SLC35F3: variants seen among roughly 807,000 people sequenced by gnomAD.
SLC35F3 encodes the protein putative thiamine transporter SLC35F3.
In SLC35F3, 25 loss-of-function variants were observed where a neutral mutation model predicts 49.9. The observed-to-expected ratio is 0.50, with a 90% confidence interval of 0.37 to 0.70. The LOEUF is 0.70. SLC35F3 is among the 30% of genes least tolerant of loss of function. The pLI, the probability that SLC35F3 is intolerant of heterozygous loss-of-function variation, is 0.00. For synonymous variants in SLC35F3, 275 were observed against 265.4 expected (o/e 1.04, Z -0.35); for missense variants, 525 against 639.8 (o/e 0.82, Z 1.94).
chr1:234,259,339 C>T (rs951387868), intron 3 of SLC35F3, among the ~76,000 whole-genome samples: 4 of 152,206 alleles, frequency 2.6e-5, no homozygotes, highest in Non-Finnish European at 5.9e-5. Context: ...CAGCTTCCCA[C>T]CTCCCATTAG....
rs1435913000 is a variant in SLC35F3 at position 233,922,608 on chromosome 1, T to A, written c.283+16850T>A. On this transcript the variant is annotated intron_variant, in intron 2 of 7. Transcript: ENST00000366618. ...CCCATTCTGTAGGTTGCCTGTTCAC[T>A]CTGATGGTAGTTTCTTTTGCTGTGC... is the stretch of plus-strand genomic sequence containing the variant. 2.6e-5 allele frequency among the ~76,000 whole-genome samples: 4 copies of A among 151,912 alleles called. No individual in the cohort carries two copies. The East Asian group carries it at 7.8e-4, about 30-fold the overall frequency.
At chr1:233,963,553 G>A (rs1029934614) in intron 2 of SLC35F3, among the ~76,000 whole-genome samples, 1 of 151,852 alleles carries the variant, frequency 6.6e-6, no homozygotes, top group East Asian at 1.9e-4. Flanking sequence ...TGCCCACCTC[G>A]GCCTCCCAAA....
At chr1:234,014,164 C>T (rs79879803) in intron 2 of SLC35F3, among the ~76,000 whole-genome samples, 3,825 of 152,158 alleles carry the variant, frequency 0.025, 147 homozygotes, top group African/African-American at 0.081. Context: ...TTTATTCCTG[C>T]GATGCAAGGA....
intron 2 of SLC35F3, among the ~76,000 whole-genome samples, chr1:234,203,883 A>AAG (rs1243439250): frequency 6.6e-6 from 1 of 152,154 alleles, no homozygotes; most frequent in African/African-American, 2.4e-5. Flanking sequence ...TTTTTTTCTG[A>AAG]ATATATATGA....
Position 234,214,366 on chromosome 1 carries a change from TGA to T in SLC35F3, c.284-17047_284-17046del, listed in dbSNP as rs1408768243. On this transcript the variant is annotated intron_variant, in intron 2 of 7. Coordinates refer to ENST00000366618, the MANE Select transcript of SLC35F3 (RefSeq NM_173508.4). The surrounding 1 kb of genome is among the most constrained non-coding windows in gnomAD (Gnocchi z 8.0). ...GGCGGGCAGCCGGGGAGGCCGGGACTGAGAGGGGCGAGCCGCTGGTGCTCCCC... is the reference window on the plus strand; with the variant it reads ...GGCGGGCAGCCGGGGAGGCCGGGACTGAGGGGCGAGCCGCTGGTGCTCCCC... The T allele has an allele frequency of 7.4e-7, 1 of 1,347,296 alleles. No homozygotes were observed. Among genetic ancestry groups the T allele is most frequent in the Non-Finnish European group, 9.5e-7 (1 of 1,050,402 alleles). 83.5% of individuals were successfully genotyped at this position (1,347,296 alleles called of 1,614,324 possible). A position where few individuals can be genotyped will look rare whatever the true frequency, so the allele number is the denominator to read the frequency against.
intron 2 of SLC35F3, chr1:234,026,795 T>C (rs1483792812): frequency 6.6e-6 from 1 of 152,166 alleles, no homozygotes; most frequent in East Asian, 1.9e-4. Context: ...AATGGTTTTA[T>C]GGGAAAATTA....
intron 2 of SLC35F3, among the ~76,000 whole-genome samples, chr1:234,021,390 C>T (rs1225317548): frequency 2.0e-5 from 3 of 152,184 alleles, no homozygotes; most frequent in African/African-American, 7.2e-5. Flanking sequence ...CAATCAATGT[C>T]ATATCATCAT....
chr1:233,921,399 C>T (rs7512376), intron 2 of SLC35F3, among the ~76,000 whole-genome samples: 48,824 of 151,990 alleles, frequency 0.32, 8,465 homozygotes, highest in Admixed American at 0.5. Flanking sequence ...ATCATTATCA[C>T]CCAGAGTCCA....
intron 2 of SLC35F3, among the ~76,000 whole-genome samples, chr1:234,036,286 G>A (rs1336888478): frequency 3.3e-5 from 5 of 152,060 alleles, no homozygotes; most frequent in African/African-American, 7.2e-5. Flanking sequence ...GACTTGCCTC[G>A]AATTCTTGGG....
chr1:233,943,879 C>T (rs1008622046), intron 2 of SLC35F3, among the ~76,000 whole-genome samples: 48 of 152,114 alleles, frequency 3.2e-4, no homozygotes, highest in Non-Finnish European at 4.3e-4. Context: ...TATTTTTATT[C>T]CTTCATTCTT....
chr1:234,150,422 T>C (rs1290462172), intron 2 of SLC35F3, among the ~76,000 whole-genome samples: 6 of 152,218 alleles, frequency 3.9e-5, no homozygotes, highest in South Asian at 2.1e-4. Context: ...CATCATCTTA[T>C]ACATTTTTGT....
chr1:234,211,511 C>T lies in SLC35F3; in HGVS notation c.284-19906C>T, dbSNP rs138299237. Among the ~76,000 whole-genome samples, 468 of 152,346 alleles carry T rather than the reference C, an allele frequency of 3.1e-3. 3 individuals are homozygous for T. Among genetic ancestry groups the T allele is most frequent in the Non-Finnish European group, 5.0e-3 (342 of 68,040 alleles). On this transcript the variant is annotated intron_variant, in intron 2 of 7. Coordinates refer to ENST00000366618, the MANE Select transcript of SLC35F3 (RefSeq NM_173508.4). ...CAAGAACATGGGAACCCCCCCCTTACATTGGTGTGACCCAGATGTGAGACA... is the reference window on the plus strand; with the variant it reads ...CAAGAACATGGGAACCCCCCCCTTATATTGGTGTGACCCAGATGTGAGACA...
chr1:234,126,795 A>G (rs1665655132), intron 2 of SLC35F3, among the ~76,000 whole-genome samples: 1 of 152,162 alleles, frequency 6.6e-6, no homozygotes, highest in Non-Finnish European at 1.5e-5. Context: ...TCCTGGGCTC[A>G]AGCTATCTTC....
At chr1:234,265,311 T>C (rs1172531088) in intron 3 of SLC35F3, among the ~76,000 whole-genome samples, 2 of 151,340 alleles carry the variant, frequency 1.3e-5, no homozygotes, top group African/African-American at 4.9e-5. Flanking sequence ...AATCTCAGCA[T>C]TATTTCTTCT....
chr1:234,125,924 G>A (rs1167910896), intron 2 of SLC35F3, among the ~76,000 whole-genome samples: 3 of 152,168 alleles, frequency 2.0e-5, no homozygotes, highest in Non-Finnish European at 4.4e-5. Context: ...GTGTGATGAA[G>A]AACAGTCTCT....
Position 234,117,546 on chromosome 1 carries a change from C to T in SLC35F3, c.284-113871C>T, listed in dbSNP as rs139221310. On this transcript the variant is annotated intron_variant, in intron 2 of 7. Transcript: ENST00000366618. ...GATGGAGGTTGCAGTGAGCCGAGAT[C>T]GCACCATTGCACTCCAGCCTGGGTG... Among the ~76,000 whole-genome samples, 644 of 148,276 alleles carry T rather than the reference C, an allele frequency of 4.3e-3. 5 individuals are homozygous for T. Among genetic ancestry groups the T allele is most frequent in the Middle Eastern group, 7.6e-3 (2 of 262 alleles).
At chr1:233,966,225 A>G (rs1460267179) in intron 2 of SLC35F3, among the ~76,000 whole-genome samples, 3 of 152,236 alleles carry the variant, frequency 2.0e-5, no homozygotes, top group Non-Finnish European at 4.4e-5. Flanking sequence ...AGTGGTAAAG[A>G]AAAAAGAGAT....
At chr1:234,080,039 AG>A (rs1448641109) in intron 2 of SLC35F3, among the ~76,000 whole-genome samples, 3 of 152,172 alleles carry the variant, frequency 2.0e-5, no homozygotes, top group Non-Finnish European at 4.4e-5. Context: ...TTGGAGGGTG[AG>A]GGCTGGTTGC....
chr1:233,964,701 C>G (rs1217304530), intron 2 of SLC35F3, among the ~76,000 whole-genome samples: 1 of 152,192 alleles, frequency 6.6e-6, no homozygotes, highest in Non-Finnish European at 1.5e-5. Flanking sequence ...AAAGGAGTGA[C>G]AGCAGAGAGA....
Sources: gnomAD v4.1 joint callset for allele counts (sites outside exome capture counted in the v4.1 genomes callset) on GRCh38, gnomAD v4.1.1 for gene constraint, Gnocchi (gnomAD v3.1) non-coding constraint, MANE v1.5 for transcripts, NCBI Gene and HGNC (gene_info 2026-07-23, HGNC 2026-07-21) for gene names.